IL23R: variants seen among roughly 807,000 people sequenced by gnomAD.
IL23R encodes the protein interleukin 23 receptor, also known as interleukin-23 receptor.
Under a neutral mutation model 56.9 loss-of-function variants are expected in IL23R, and 34 were observed. The observed-to-expected ratio is 0.60, with a 90% CI of 0.45 to 0.80. The LOEUF (loss-of-function observed/expected upper bound fraction) is 0.80. IL23R is among the 30% of genes least tolerant of loss of function. The pLI is 0.00. For missense variants in IL23R, 635 were observed against 730.0 expected (o/e 0.87, Z 1.50); for synonymous variants, 230 against 249.2 (o/e 0.92, Z 0.73).
At chr1:67,147,676 C>A (rs1646691902) in intron 1 of IL23R, among the ~76,000 whole-genome samples, 1 of 151,990 alleles carries the variant, frequency 6.6e-6, no homozygotes, top group Non-Finnish European at 1.5e-5. Context: ...TGCACTCCAG[C>A]CTGGGCGACA....
chr1:67,197,168 T>C (rs1349784741), intron 4 of IL23R, among the ~76,000 whole-genome samples: 2 of 151,928 alleles, frequency 1.3e-5, no homozygotes, highest in Non-Finnish European at 2.9e-5. Flanking sequence ...TGCCACTAAG[T>C]AGGTGTGAGA....
chr1:67,231,578 C>T (rs1413130047), intron 7 of IL23R, among the ~76,000 whole-genome samples: 3 of 152,034 alleles, frequency 2.0e-5, no homozygotes, highest in African/African-American at 7.2e-5. Context: ...TCGTTTGAGT[C>T]TGCAGTTGGT....
Position 67,149,154 on chromosome 1 carries a change from C to T in IL23R, c.-634+9993C>T, listed in dbSNP as rs1193304846. Among the ~76,000 whole-genome samples, 3 of 152,298 alleles carry T rather than the reference C, an allele frequency of 2.0e-5. No homozygotes were observed. The East Asian group carries it at 5.8e-4, about 29-fold the overall frequency. On this transcript the variant is annotated intron_variant, in intron 1 of 10. Coordinates refer to the IL23R transcript ENST00000637002. Reference sequence around the variant, plus strand: ...CCAGGTTCTTCTTACACTATCAGATCCTCTTTCCTGTCATCAGTTAGTCCA... The same window carrying T: ...CCAGGTTCTTCTTACACTATCAGATTCTCTTTCCTGTCATCAGTTAGTCCA...
In IL23R at chr1:67,217,659, A is replaced by G. The variant is rs1015211010; in HGVS notation, c.799-1915A>G. On this transcript the variant is annotated intron_variant, in intron 6 of 10. Transcript: ENST00000347310. Reference sequence around the variant, plus strand: ...AACATTGCAGAAAATTTCCAGGGCCATGAATAGAGACATGGCTTATGGAAA... The same window carrying G: ...AACATTGCAGAAAATTTCCAGGGCCGTGAATAGAGACATGGCTTATGGAAA... 4.6e-5 allele frequency among the ~76,000 whole-genome samples: 7 copies of G among 151,364 alleles called. 1 individual carries two copies. Among genetic ancestry groups the G allele is most frequent in the South Asian group, 4.2e-4 (2 of 4,746 alleles).
chr1:67,161,862 G>A (rs1055515621), upstream of IL23R, among the ~76,000 whole-genome samples: 5 of 151,932 alleles, frequency 3.3e-5, no homozygotes, highest in African/African-American at 4.8e-5. Flanking sequence ...TCCTGACCTT[G>A]CGATCCACCT....
At position 67,228,033 on chromosome 1, in the gene IL23R, TTCTTTCTTTC is replaced by T. The variant is rs781067691; in HGVS notation, c.955+8315_955+8324del. Among the ~76,000 whole-genome samples the T allele has an allele frequency of 1.7e-3, 133 of 79,832 alleles. 12 individuals are homozygous for T. Among genetic ancestry groups the T allele is most frequent in the Middle Eastern group, 5.4e-3 (1 of 186 alleles). The allele number at this position is 79,832 out of a possible 152,430, so 52.4% of individuals were successfully genotyped here. A position where few individuals can be genotyped will look rare whatever the true frequency, so the allele number is the denominator to read the frequency against. On this transcript the variant is annotated intron_variant, in intron 7 of 10. Transcript: ENST00000347310. ...TTCTTTCTTTCTTCCTTTCTTTCTT[TTCTTTCTTTC>T]TCTTTCTTTCTTTCTTTCTCTGTCT...
At chr1:67,236,574 C>T in intron 7 of IL23R, 139 bp from the exon 8 acceptor site, 1 of 677,398 alleles carries the variant, frequency 1.5e-6, no homozygotes, top group Non-Finnish European at 2.7e-6. Flanking sequence ...AAGACTATTG[C>T]TTTTATTCCA....
intron 9 of IL23R, among the ~76,000 whole-genome samples, chr1:67,252,843 G>T (rs193214690): frequency 6.6e-6 from 1 of 151,560 alleles, no homozygotes; most frequent in East Asian, 1.9e-4. Flanking sequence ...TACAGAAATT[G>T]GCAGTGATGT....
intron 5 of IL23R, among the ~76,000 whole-genome samples, chr1:67,202,290 C>T (rs1648695960): frequency 6.6e-6 from 1 of 152,216 alleles, no homozygotes; most frequent in South Asian, 2.1e-4. Flanking sequence ...CATCCTCTGC[C>T]TCCTGGCTTC....
At chr1:67,186,946 C>T (rs1265459885) in intron 4 of IL23R, among the ~76,000 whole-genome samples, 2 of 151,976 alleles carry the variant, frequency 1.3e-5, no homozygotes, top group African/African-American at 4.8e-5. Context: ...TAATAATGTT[C>T]CATTATTTGG....
chr1:67,251,990 T>C (rs1424286977), intron 9 of IL23R, among the ~76,000 whole-genome samples: 1 of 152,172 alleles, frequency 6.6e-6, no homozygotes, highest in Non-Finnish European at 1.5e-5. Flanking sequence ...CTCCCAAGAA[T>C]GTAAAACAAG....
intron 4 of IL23R, among the ~76,000 whole-genome samples, chr1:67,193,027 A>G (rs1370720934): frequency 1.3e-5 from 2 of 151,970 alleles, no homozygotes; most frequent in East Asian, 3.9e-4. Context: ...CCTCTTCCAA[A>G]ACTCTCTGAT....
chr1:67,207,174 G>A (rs772273790), intron 6 of IL23R, 119 bp downstream of exon 6: 21 of 1,109,518 alleles, frequency 1.9e-5, no homozygotes, highest in Non-Finnish European at 2.8e-5. Flanking sequence ...TTGTTTGCAT[G>A]ATATTCAAGC....
At chr1:67,223,670 G>A (rs977729614) in intron 7 of IL23R, among the ~76,000 whole-genome samples, 7 of 151,856 alleles carry the variant, frequency 4.6e-5, no homozygotes, top group East Asian at 1.9e-4. Context: ...TTTTTTTAAT[G>A]TTTGGGGCTA....
chr1:67,252,392 C>T (rs534390122), intron 9 of IL23R, among the ~76,000 whole-genome samples: 1 of 152,282 alleles, frequency 6.6e-6, no homozygotes, highest in Admixed American at 6.5e-5. Context: ...CTAATTGGAT[C>T]CTAGCCTGTT....
At chr1:67,214,451 A>G (rs1649697165) in intron 6 of IL23R, among the ~76,000 whole-genome samples, 1 of 152,232 alleles carries the variant, frequency 6.6e-6, no homozygotes, top group Non-Finnish European at 1.5e-5. Flanking sequence ...GATTGTTATG[A>G]AGACCATATG....
intron 9 of IL23R, among the ~76,000 whole-genome samples, chr1:67,254,260 G>T (rs1341336400): frequency 6.6e-6 from 1 of 151,942 alleles, no homozygotes; most frequent in Non-Finnish European, 1.5e-5. Context: ...GTGGAGACGG[G>T]ATTTCACCAT....
chr1:67,189,395 C>A (rs1451284827), intron 4 of IL23R, among the ~76,000 whole-genome samples: 1 of 152,120 alleles, frequency 6.6e-6, no homozygotes, highest in Non-Finnish European at 1.5e-5. Flanking sequence ...TTCCCATCTT[C>A]TTTCTTAAAA....
At chr1:67,236,092 C>A (rs1379889195) in intron 7 of IL23R, among the ~76,000 whole-genome samples, 5 of 152,172 alleles carry the variant, frequency 3.3e-5, no homozygotes, top group Non-Finnish European at 7.3e-5. Flanking sequence ...GGTTGCTCAC[C>A]CCACCCTGGT....
Sources: gnomAD v4.1 joint callset for allele counts (sites outside exome capture counted in the v4.1 genomes callset) on GRCh38, gnomAD v4.1.1 for gene constraint, MANE v1.5 for transcripts, NCBI Gene and HGNC (gene_info 2026-07-23, HGNC 2026-07-21) for gene names.